The following SPHKAP variants were observed in gnomAD, a reference collection of about 807,000 sequenced individuals.
SPHKAP encodes SPHK1 interactor, AKAP domain containing.
In SPHKAP, 67 loss-of-function variants were observed where a neutral mutation model predicts 137.5. The observed-to-expected ratio is 0.49, with a 90% CI of 0.40 to 0.60. The LOEUF is 0.60. Among genes scored for constraint, SPHKAP ranks in the 20% least tolerant of loss-of-function variants. The pLI is 0.00. For synonymous variants in SPHKAP, 813 were observed against 785.3 expected, an observed-to-expected ratio of 1.04 and a Z score of -0.59; for missense variants, 2,097 against 2,069.3, an observed-to-expected ratio of 1.01 and a Z score of -0.26.
chr2:228,121,203 G>A (rs1227828513), intron 2 of SPHKAP, among the ~76,000 whole-genome samples: 1 of 152,146 alleles, frequency 6.6e-6, no homozygotes, highest in African/African-American at 2.4e-5. Context: ...CCTTTGGACT[G>A]TGGCAATTAA....
chr2:228,120,069 T>A (rs1029332050), intron 2 of SPHKAP, among the ~76,000 whole-genome samples: 2 of 152,152 alleles, frequency 1.3e-5, no homozygotes, highest in Non-Finnish European at 2.9e-5. Context: ...AAAATGATTC[T>A]CCGTTATCAA....
intron 1 of SPHKAP, chr2:228,172,904 G>T: frequency 2.7e-6 from 1 of 370,724 alleles, no homozygotes; most frequent in Non-Finnish European, 3.7e-6. Context: ...ACTTTGCATT[G>T]GCCAAATCAT....
intron 1 of SPHKAP, among the ~76,000 whole-genome samples, chr2:228,170,243 A>G (rs1269286937): frequency 6.6e-6 from 1 of 152,088 alleles, no homozygotes; most frequent in Non-Finnish European, 1.5e-5. Flanking sequence ...GATGGAGCCT[A>G]CTCCTGGTGA....
Position 227,981,609 on chromosome 2 carries a change from C to A in SPHKAP, c.*108G>T. On this transcript the variant is annotated 3_prime_UTR_variant, in exon 12 of 12. Transcript: ENST00000392056. ...GAGTAGCAGATTTTTTTTTATAGTT[C>A]TGCTAATGTGATGTGATGTTTTGAG... 1 of 1,401,874 alleles carries A rather than the reference C, an allele frequency of 7.1e-7. No individual in the cohort carries two copies. Among genetic ancestry groups the A allele is most frequent in the Admixed American group, 2.5e-5 (1 of 39,354 alleles). 86.8% of individuals were successfully genotyped at this position (1,401,874 alleles called of 1,614,324 possible). A position where few individuals can be genotyped will look rare whatever the true frequency, so the allele number is the denominator to read the frequency against.
intron 1 of SPHKAP, among the ~76,000 whole-genome samples, chr2:228,137,988 A>G (rs985890048): frequency 9.2e-5 from 14 of 152,316 alleles, no homozygotes; most frequent in Admixed American, 5.2e-4. Context: ...CAATCTTGAC[A>G]AAGACTCTTT....
intron 3 of SPHKAP, among the ~76,000 whole-genome samples, chr2:228,097,357 C>A (rs150255555): frequency 1.3e-5 from 2 of 152,142 alleles, no homozygotes; most frequent in South Asian, 2.1e-4. Context: ...ATATTTCTAG[C>A]GGCAAAAATG....
intron 3 of SPHKAP, among the ~76,000 whole-genome samples, chr2:228,106,362 T>G (rs12994876): frequency 0.14 from 17,740 of 126,806 alleles, 1,228 homozygotes; most frequent in East Asian, 0.19. Context: ...TGAAATAAGT[T>G]AAAGAAGCAA....
intron 3 of SPHKAP, among the ~76,000 whole-genome samples, chr2:228,104,393 T>C (rs1574853071): frequency 7.6e-6 from 1 of 131,484 alleles, no homozygotes; most frequent in African/African-American, 3.1e-5. Flanking sequence ...TATTATATAA[T>C]ATATAATTCA....
At chr2:228,144,424 T>C (rs1699709610) in intron 1 of SPHKAP, among the ~76,000 whole-genome samples, 1 of 152,152 alleles carries the variant, frequency 6.6e-6, no homozygotes, top group Non-Finnish European at 1.5e-5. Context: ...CAGGAAATGT[T>C]TGTTGAATCA....
At chr2:227,998,383 T>C (rs1213997633) in intron 7 of SPHKAP, among the ~76,000 whole-genome samples, 4 of 152,182 alleles carry the variant, frequency 2.6e-5, no homozygotes, top group Non-Finnish European at 5.9e-5. Flanking sequence ...TGTAAACGTG[T>C]TCATGGAAAT....
In SPHKAP at chr2:227,981,450, T is replaced by G; in HGVS notation, c.*267A>C. On this transcript the variant is annotated 3_prime_UTR_variant, in exon 12 of 12. Transcript: ENST00000392056. ...TTGGGTCTCATTATAAGCATTCTAA[T>G]TTGGGCCCCATTGAATTCTCTCTTT... is the stretch of plus-strand genomic sequence containing the variant. 3.5e-6 allele frequency: 1 copy of G among 281,860 alleles called. No homozygotes were observed. The highest frequency in any genetic ancestry group is 6.5e-6 in the Non-Finnish European group (1 of 153,264). 17.5% of individuals were successfully genotyped at this position (281,860 alleles called of 1,614,324 possible).
intron 3 of SPHKAP, among the ~76,000 whole-genome samples, chr2:228,070,661 C>T (rs1292706383): frequency 6.6e-6 from 1 of 151,186 alleles, no homozygotes; most frequent in African/African-American, 2.4e-5. Flanking sequence ...GGCACTGGTT[C>T]AGAAGCACTC....
chr2:228,065,892 C>T (rs1696812811), intron 3 of SPHKAP, among the ~76,000 whole-genome samples: 1 of 152,190 alleles, frequency 6.6e-6, no homozygotes, highest in Non-Finnish European at 1.5e-5. Flanking sequence ...ATCCTGCCTG[C>T]ACTCAACAAA....
intron 3 of SPHKAP, among the ~76,000 whole-genome samples, chr2:228,076,072 T>C (rs889115696): frequency 2.0e-5 from 3 of 152,164 alleles, no homozygotes; most frequent in Admixed American, 1.3e-4. Flanking sequence ...CTGATAATTC[T>C]AAAAATGGGA....
intron 3 of SPHKAP, among the ~76,000 whole-genome samples, chr2:228,069,449 CTTT>C (rs11346938): frequency 2.5e-4 from 32 of 128,086 alleles, no homozygotes; most frequent in Admixed American, 3.2e-4. Flanking sequence ...TTCTTTCTTT[CTTT>C]TTTTTTTTTT....
At chr2:228,005,612 T>C (rs1694098589) in intron 7 of SPHKAP, among the ~76,000 whole-genome samples, 1 of 152,228 alleles carries the variant, frequency 6.6e-6, no homozygotes. Flanking sequence ...CTGGTTGTTT[T>C]GCTCGTTAGT....
At chr2:228,126,706 A>G (rs541663147) in intron 2 of SPHKAP, among the ~76,000 whole-genome samples, 2 of 152,258 alleles carry the variant, frequency 1.3e-5, no homozygotes, top group South Asian at 2.1e-4. Flanking sequence ...GGGAAAGGCC[A>G]TCTCTCACTA....
chr2:228,084,535 A>C (rs1037110596), intron 3 of SPHKAP, among the ~76,000 whole-genome samples: 2 of 152,162 alleles, frequency 1.3e-5, no homozygotes, highest in African/African-American at 4.8e-5. Flanking sequence ...ATGTGATGTA[A>C]ATTTTCATGC....
chr2:227,991,361 G>A (rs1042947689), intron 9 of SPHKAP, 35 bp from the exon 10 acceptor site: 9 of 1,613,520 alleles, frequency 5.6e-6, no homozygotes, highest in Middle Eastern at 1.6e-4. Context: ...GGTTGGTAAT[G>A]TTTAGAAGAA....
Sources: gnomAD v4.1 joint callset for allele counts (sites outside exome capture counted in the v4.1 genomes callset) on GRCh38, gnomAD v4.1.1 for gene constraint, MANE v1.5 for transcripts, NCBI Gene and HGNC (gene_info 2026-07-23, HGNC 2026-07-21) for gene names.